Variants in GSTCD observed in about 807,000 individuals in gnomAD.
GSTCD encodes the protein glutathione S-transferase C-terminal domain-containing protein.
A neutral mutation model predicts 68.3 loss-of-function variants in GSTCD; 44 were observed. The ratio of observed to expected loss-of-function variants is 0.64; its 90% CI spans 0.51 to 0.83. The LOEUF (loss-of-function observed/expected upper bound fraction) is 0.83. Ranked by LOEUF, GSTCD falls within the 40% of genes least tolerant of loss-of-function variation. The pLI, the probability that GSTCD is intolerant of heterozygous loss-of-function variation, is 0.00. For synonymous variants in GSTCD, 273 were observed against 255.2 expected (o/e 1.07, Z -0.67); for missense variants, 739 against 735.9 (o/e 1.00, Z -0.05).
chr4:105,796,368 A>G (rs1164440357), intron 5 of GSTCD, among the ~76,000 whole-genome samples: 1 of 152,224 alleles, frequency 6.6e-6, no homozygotes, highest in Admixed American at 6.5e-5. Context: ...GGAAGTTACA[A>G]TTCAAGATGA....
chr4:105,734,797 CCA>C (rs1409822645), intron 5 of GSTCD, among the ~76,000 whole-genome samples: 1 of 152,066 alleles, frequency 6.6e-6, no homozygotes, highest in African/African-American at 2.4e-5. Context: ...TGTTTTTTCC[CCA>C]CCTTTGTGGT....
chr4:105,726,543 A>G, intron 3 of GSTCD, 36 bp from the exon 4 acceptor site: 3 of 1,350,476 alleles, frequency 2.2e-6, no homozygotes, highest in Admixed American at 2.4e-5. Context: ...TAAACAAAAT[A>G]TATATAATAA....
At chr4:105,729,266 A>G in intron 4 of GSTCD, 140 bp from the exon 5 acceptor site, 1 of 403,266 alleles carries the variant, frequency 2.5e-6, no homozygotes, top group Non-Finnish European at 4.4e-6. Context: ...TAATTAAAAT[A>G]TGTATTTTGG....
chr4:105,826,872 T>G (rs1310953148), intron 8 of GSTCD, among the ~76,000 whole-genome samples: 1 of 152,154 alleles, frequency 6.6e-6, no homozygotes, highest in African/African-American at 2.4e-5. Flanking sequence ...TTTTATCAAC[T>G]TAACTAATTC....
intron 5 of GSTCD, among the ~76,000 whole-genome samples, chr4:105,757,157 G>A (rs915062595): frequency 6.6e-6 from 1 of 152,264 alleles, no homozygotes; most frequent in South Asian, 2.1e-4. Flanking sequence ...GACCATACCT[G>A]TTATAGAAAA....
chr4:105,814,429 A>G (rs1384397013), intron 5 of GSTCD, among the ~76,000 whole-genome samples: 2 of 152,150 alleles, frequency 1.3e-5, no homozygotes, highest in East Asian at 1.9e-4. Flanking sequence ...CCTGGCCAAC[A>G]TGGCAAAACC....
At chr4:105,831,908 C>G (rs1014273591) in intron 8 of GSTCD, among the ~76,000 whole-genome samples, 1 of 152,036 alleles carries the variant, frequency 6.6e-6, no homozygotes, top group African/African-American at 2.4e-5. Flanking sequence ...TGCACTCCAC[C>G]CTGGGTGACA....
At chr4:105,733,355 T>C (rs1265202114) in intron 5 of GSTCD, among the ~76,000 whole-genome samples, 1 of 152,248 alleles carries the variant, frequency 6.6e-6, no homozygotes, top group East Asian at 1.9e-4. Flanking sequence ...GGACTTGCTT[T>C]ATGAATCTGG....
chr4:105,806,611 G>A (rs1403682519), intron 5 of GSTCD, among the ~76,000 whole-genome samples: 1 of 151,938 alleles, frequency 6.6e-6, no homozygotes, highest in African/African-American at 2.4e-5. Flanking sequence ...TAATTATGTA[G>A]AACTTTGTTT....
chr4:105,746,701 T>TG (rs778981874), intron 5 of GSTCD, among the ~76,000 whole-genome samples: 1 of 152,154 alleles, frequency 6.6e-6, no homozygotes, highest in Non-Finnish European at 1.5e-5. Flanking sequence ...TAGTTATTAT[T>TG]GTTGACTAAA....
chr4:105,823,803 GCAAA>G (rs1723441731), intron 7 of GSTCD: 1 of 151,832 alleles, frequency 6.6e-6, no homozygotes. Flanking sequence ...TTTTAAAAAT[GCAAA>G]CACAATGTAT....
chr4:105,816,183 T>C (rs9995954), intron 5 of GSTCD, among the ~76,000 whole-genome samples: 83 of 152,272 alleles, frequency 5.5e-4, no homozygotes, highest in African/African-American at 1.9e-3. Flanking sequence ...TTTTTAGTTA[T>C]TGACTTTTTA....
chr4:105,842,131 A>T lies in GSTCD; in HGVS notation c.1762A>T (p.Ile588Leu), dbSNP rs1724375518. Residue 588 changes from isoleucine (I) to leucine (L), a missense_variant, in exon 11 of 12, where the codon ATA becomes TTA. Physicochemically the swap from Ile to Leu is conservative, Grantham distance 5. Coordinates refer to ENST00000515279, the MANE Select transcript of GSTCD (RefSeq NM_001370181.1). The part of the protein sequence containing the change: ...AVQLPPQRRL[I>L]GKQCMCLVDL... ...CCAGCTCCCACCCCAACGAAGGCTC[A>T]TAGGTATGTGTTTTCACAGAGCAGC... 1 of 1,608,372 alleles carries T rather than the reference A, an allele frequency of 6.2e-7. No individual in the cohort carries two copies. The highest frequency in any genetic ancestry group is 8.5e-7 in the Non-Finnish European group (1 of 1,174,880).
intron 5 of GSTCD, among the ~76,000 whole-genome samples, chr4:105,817,314 T>C (rs1723044968): frequency 6.6e-6 from 1 of 151,932 alleles, no homozygotes; most frequent in African/African-American, 2.4e-5. Flanking sequence ...AATTTGGAAG[T>C]ATAAATTAGC....
At chr4:105,784,025 A>G (rs1001643620) in intron 5 of GSTCD, among the ~76,000 whole-genome samples, 14 of 152,198 alleles carry the variant, frequency 9.2e-5, no homozygotes, top group Admixed American at 5.9e-4. Context: ...TTATCCTGTT[A>G]TTGTTAATGG....
intron 4 of GSTCD, among the ~76,000 whole-genome samples, chr4:105,728,465 C>T (rs1733113353): frequency 6.6e-6 from 1 of 152,016 alleles, no homozygotes; most frequent in African/African-American, 2.4e-5. Flanking sequence ...CAAATCAGTG[C>T]TCTGGGCTTG....
At chr4:105,755,439 C>T (rs1734153213) in intron 5 of GSTCD, among the ~76,000 whole-genome samples, 1 of 152,138 alleles carries the variant, frequency 6.6e-6, no homozygotes, top group South Asian at 2.1e-4. Context: ...TGATCTCCTG[C>T]TGTGGCTTCT....
At chr4:105,797,760 C>CTTTTTTTTTTTTTTTTTTTTTTTTT (rs70941218) in intron 5 of GSTCD, among the ~76,000 whole-genome samples, 3 of 84,952 alleles carry the variant, frequency 3.5e-5, no homozygotes, top group African/African-American at 1.4e-4. Flanking sequence ...CACAATAGAA[C>CTTTTTTTTTTTTTTTTTTTTTTTTT]TTTTTTTTTT....
intron 5 of GSTCD, among the ~76,000 whole-genome samples, chr4:105,777,150 AC>A (rs1304693683): frequency 6.6e-6 from 1 of 152,246 alleles, no homozygotes; most frequent in Non-Finnish European, 1.5e-5. Flanking sequence ...TACTTAGTAA[AC>A]AAAAATATAT....
Sources: gnomAD v4.1 joint callset for allele counts (sites outside exome capture counted in the v4.1 genomes callset) on GRCh38, gnomAD v4.1.1 for gene constraint, MANE v1.5 for transcripts, NCBI Gene and HGNC (gene_info 2026-07-23, HGNC 2026-07-21) for gene names.